Variants in EEIG2 observed in about 807,000 individuals in gnomAD.
EEIG2 encodes family with sequence similarity 102 member B.
chr1:108,580,329 CTA>C, the EEIG2 span, among the ~76,000 whole-genome samples: 1 of 150,584 alleles, frequency 6.6e-6, no homozygotes, highest in African/African-American at 2.4e-5. Flanking sequence ...TGGGACCTCC[CTA>C]TTCCCTGAGA....
At chr1:108,579,709 C>T in the EEIG2 span, among the ~76,000 whole-genome samples, 1 of 149,696 alleles carries the variant, frequency 6.7e-6, no homozygotes, top group East Asian at 2.0e-4. Flanking sequence ...CCAAGCAAGT[C>T]TGTCAGTGCT....
At chr1:108,637,494 T>A in the EEIG2 span, 4 of 152,108 alleles carry the variant, frequency 2.6e-5, no homozygotes, top group African/African-American at 9.7e-5. Context: ...GTTGAAAAAA[T>A]CTGTTTATTA....
At chr1:108,561,374 A>G in the EEIG2 span, among the ~76,000 whole-genome samples, 5 of 152,334 alleles carry the variant, frequency 3.3e-5, no homozygotes, top group Admixed American at 2.6e-4. Context: ...TTTAAAATAT[A>G]TACATAGAGA....
At chr1:108,636,302 T>C in the EEIG2 span, 1 of 152,184 alleles carries the variant, frequency 6.6e-6, no homozygotes, top group East Asian at 1.9e-4. Context: ...TACATGACGG[T>C]TTCCATGTGG....
chr1:108,570,587 C>T, the EEIG2 span, among the ~76,000 whole-genome samples: 5 of 152,098 alleles, frequency 3.3e-5, no homozygotes, highest in African/African-American at 9.7e-5. Context: ...AAGACAAGTC[C>T]AAAAGGCCCA....
chr1:108,629,987 TATTA>T, the EEIG2 span, among the ~76,000 whole-genome samples: 1 of 152,182 alleles, frequency 6.6e-6, no homozygotes, highest in Non-Finnish European at 1.5e-5. Flanking sequence ...ATTAATTTTT[TATTA>T]ATTTATTTTC....
chr1:108,583,916 T>C, the EEIG2 span, among the ~76,000 whole-genome samples: 1 of 152,062 alleles, frequency 6.6e-6, no homozygotes, highest in Non-Finnish European at 1.5e-5. Flanking sequence ...AAGCTAACTA[T>C]GGAAAGTACG....
At chr1:108,566,131 A>T in the EEIG2 span, among the ~76,000 whole-genome samples, 1 of 152,160 alleles carries the variant, frequency 6.6e-6, no homozygotes, top group Non-Finnish European at 1.5e-5. Flanking sequence ...TTCAATTACA[A>T]GATTATTTTA....
chr1:108,596,332 C>T, the EEIG2 span, among the ~76,000 whole-genome samples: 1 of 152,014 alleles, frequency 6.6e-6, no homozygotes, highest in Non-Finnish European at 1.5e-5. Context: ...TTCCACAAGG[C>T]ATATTATGGA....
the EEIG2 span, among the ~76,000 whole-genome samples, chr1:108,631,970 C>T: frequency 6.6e-6 from 1 of 151,596 alleles, no homozygotes; most frequent in Non-Finnish European, 1.5e-5. Flanking sequence ...AAAAATTAGC[C>T]GGGTGTGGTG....
the EEIG2 span, among the ~76,000 whole-genome samples, chr1:108,606,628 T>C: frequency 6.6e-6 from 1 of 152,136 alleles, no homozygotes; most frequent in Non-Finnish European, 1.5e-5. Flanking sequence ...GTACTGCTGG[T>C]TTTTACTTTT....
At chr1:108,569,002 T>G in the EEIG2 span, among the ~76,000 whole-genome samples, 1 of 152,206 alleles carries the variant, frequency 6.6e-6, no homozygotes, top group African/African-American at 2.4e-5. Context: ...GTCATACCAC[T>G]CTTTTAGACA....
chr1:108,602,716 TA>T, the EEIG2 span, among the ~76,000 whole-genome samples: 1 of 151,778 alleles, frequency 6.6e-6, no homozygotes, highest in African/African-American at 2.4e-5. Context: ...CCCATCTCCA[TA>T]AAAAATACAA....
At chr1:108,600,636 G>A in the EEIG2 span, 2 of 1,611,112 alleles carry the variant, frequency 1.2e-6, no homozygotes, top group South Asian at 1.1e-5. Flanking sequence ...GAGTGCAAGT[G>A]CTGCCACAGG....
At chr1:108,579,796 A>AGAGAGAGAGAGAGAGAGAGAG in the EEIG2 span, among the ~76,000 whole-genome samples, 8 of 149,004 alleles carry the variant, frequency 5.4e-5, no homozygotes, top group South Asian at 2.2e-4. Context: ...AGAGAGAGAG[A>AGAGAGAGAGAGAGAGAGAGAG]AAGAAACCCA....
chr1:108,598,743 G>A, the EEIG2 span, among the ~76,000 whole-genome samples: 1 of 152,104 alleles, frequency 6.6e-6, no homozygotes, highest in African/African-American at 2.4e-5. Context: ...AAACAAAAGT[G>A]CACATATGAC....
chr1:108,609,894 G>T, the EEIG2 span, among the ~76,000 whole-genome samples: 2 of 152,266 alleles, frequency 1.3e-5, no homozygotes, highest in East Asian at 3.9e-4. Context: ...AGCACACACT[G>T]GGGCCTGTCG....
chr1:108,561,906 A>G, the EEIG2 span, among the ~76,000 whole-genome samples: 1 of 152,108 alleles, frequency 6.6e-6, no homozygotes, highest in Non-Finnish European at 1.5e-5. Context: ...AGGCAGTTAG[A>G]CTGGCGCTCC....
At chr1:108,633,277 T>C in the EEIG2 span, among the ~76,000 whole-genome samples, 1 of 151,942 alleles carries the variant, frequency 6.6e-6, no homozygotes, top group African/African-American at 2.4e-5. Flanking sequence ...TTAGATGACT[T>C]ATGTAACATT....
Sources: allele counts gnomAD v4.1 joint callset (sites outside exome capture counted in the v4.1 genomes callset), GRCh38; gene constraint gnomAD v4.1.1; transcripts MANE v1.5; gene names NCBI Gene and HGNC (gene_info 2026-07-23, HGNC 2026-07-21).